SUGCT: variants seen among roughly 807,000 people sequenced by gnomAD.
SUGCT encodes the protein succinyl-CoA:glutarate CoA-transferase.
A neutral mutation model predicts 55.0 loss-of-function variants in SUGCT; 41 were observed. That is an observed-to-expected ratio of 0.74 (90% CI 0.58 to 0.97). The LOEUF (loss-of-function observed/expected upper bound fraction) is 0.97. SUGCT is among the 50% of genes least tolerant of loss of function. The pLI is 0.00. For missense variants in SUGCT, 568 were observed against 547.8 expected, an observed-to-expected ratio of 1.04 and a Z score of -0.37; for synonymous variants, 187 against 200.4, an observed-to-expected ratio of 0.93 and a Z score of 0.56.
chr7:40,168,351 G>A (rs1420472748), intron 1 of SUGCT, among the ~76,000 whole-genome samples: 2 of 152,136 alleles, frequency 1.3e-5, no homozygotes, highest in East Asian at 1.9e-4. Context: ...GGGTGCCTTC[G>A]GTGTCATCAA....
chr7:40,517,050 G>C (rs1793275187), intron 12 of SUGCT, among the ~76,000 whole-genome samples: 2 of 149,494 alleles, frequency 1.3e-5, no homozygotes, highest in African/African-American at 5.1e-5. Context: ...CACTTCTTTA[G>C]TTAAATTTAT....
chr7:40,448,857 TAC>T (rs148261562), intron 9 of SUGCT, among the ~76,000 whole-genome samples: 1,662 of 150,308 alleles, frequency 0.011, 34 homozygotes, highest in African/African-American at 0.038. Context: ...ACCAAATACA[TAC>T]ACACACACAC....
intron 13 of SUGCT, among the ~76,000 whole-genome samples, chr7:40,825,670 G>A (rs1157378530): frequency 6.6e-6 from 1 of 152,182 alleles, no homozygotes; most frequent in Non-Finnish European, 1.5e-5. Flanking sequence ...CTGACTGTCA[G>A]AGTGGACTCA....
At chr7:41,000,282 G>A in the SUGCT span, among the ~76,000 whole-genome samples, 4 of 151,752 alleles carry the variant, frequency 2.6e-5, no homozygotes, top group South Asian at 4.2e-4. Flanking sequence ...ACACACGCAC[G>A]GACACACACA....
At chr7:40,673,453 T>C (rs530368821) in intron 12 of SUGCT, among the ~76,000 whole-genome samples, 44 of 152,254 alleles carry the variant, frequency 2.9e-4, no homozygotes, top group Non-Finnish European at 5.6e-4. Context: ...CTTCTGTGGA[T>C]GCTATTTCAT....
intron 12 of SUGCT, among the ~76,000 whole-genome samples, chr7:40,657,113 G>T (rs527577046): frequency 6.6e-6 from 1 of 152,222 alleles, no homozygotes; most frequent in South Asian, 2.1e-4. Context: ...TAGCTTCAGG[G>T]AAAGGATACA....
chr7:40,768,811 A>ACC (rs1203770667), intron 13 of SUGCT, among the ~76,000 whole-genome samples: 1 of 152,284 alleles, frequency 6.6e-6, no homozygotes, highest in African/African-American at 2.4e-5. Flanking sequence ...ACCTAACCAG[A>ACC]CCTCCAAACA....
the SUGCT span, among the ~76,000 whole-genome samples, chr7:40,945,198 A>G: frequency 1.3e-5 from 2 of 152,040 alleles, no homozygotes; most frequent in Non-Finnish European, 1.5e-5. Context: ...GTCCTCAGTG[A>G]AACACACTGA....
chr7:40,621,483 GA>G (rs1315288208), intron 12 of SUGCT, among the ~76,000 whole-genome samples: 1 of 152,138 alleles, frequency 6.6e-6, no homozygotes, highest in African/African-American at 2.4e-5. Flanking sequence ...TAAGGAGAAG[GA>G]ATAAGTTAAA....
chr7:40,526,260 G>T (rs1204877570), intron 12 of SUGCT, among the ~76,000 whole-genome samples: 1 of 151,964 alleles, frequency 6.6e-6, no homozygotes, highest in Non-Finnish European at 1.5e-5. Context: ...GCATTGACTT[G>T]GTATATATAG....
At position 40,490,008 on chromosome 7, in the gene SUGCT, A is replaced by G. The variant is rs142843266; in HGVS notation, c.987-6276A>G. Among the ~76,000 whole-genome samples the G allele has an allele frequency of 5.4e-3, 822 of 152,314 alleles. 13 individuals are homozygous for G. The highest frequency in any genetic ancestry group is 0.018 in the African/African-American group (767 of 41,574). ...ACCCACTGTAGTGGTCCCAAAGCCT[A>G]TGATCACTATAGCTATTGCAGCACT... On this transcript the variant is annotated intron_variant, in intron 11 of 13. Coordinates refer to ENST00000335693, the MANE Select transcript of SUGCT (RefSeq NM_001193313.2).
chr7:40,702,451 TTCATTACCTC>T (rs1254303309), intron 12 of SUGCT, among the ~76,000 whole-genome samples: 3 of 152,254 alleles, frequency 2.0e-5, no homozygotes, highest in African/African-American at 7.2e-5. Context: ...TAAATCATTA[TTCATTACCTC>T]TAACAGCCAC....
rs981979449 is a variant in SUGCT, at chr7:40,729,241, C to A, written c.1090-20193C>A. ...CAACATTTTTGTTTGTTTGTTTTAG[C>A]CATCACATATTAACACTTGTATGTA... On this transcript the variant is annotated intron_variant, in intron 12 of 13. Coordinates refer to ENST00000335693, the MANE Select transcript of SUGCT (RefSeq NM_001193313.2). 2.0e-5 allele frequency among the ~76,000 whole-genome samples: 3 copies of A among 152,170 alleles called. No individual in the cohort carries two copies. The East Asian group carries it at 5.8e-4, about 29-fold the overall frequency.
chr7:40,683,554 GTGGGAA>G (rs1784344142), intron 12 of SUGCT, among the ~76,000 whole-genome samples: 1 of 152,188 alleles, frequency 6.6e-6, no homozygotes, highest in Non-Finnish European at 1.5e-5. Flanking sequence ...CTTTCCCACT[GTGGGAA>G]TCTTCAGACT....
intron 13 of SUGCT, among the ~76,000 whole-genome samples, chr7:40,854,444 CT>C (rs1563050755): frequency 7.0e-6 from 1 of 142,282 alleles, no homozygotes; most frequent in Non-Finnish European, 1.5e-5. Flanking sequence ...TTCTTTCTTT[CT>C]TTCTTTCTTT....
At chr7:40,759,155 G>T (rs944785613) in intron 13 of SUGCT, among the ~76,000 whole-genome samples, 3 of 152,222 alleles carry the variant, frequency 2.0e-5, no homozygotes, top group African/African-American at 7.2e-5. Flanking sequence ...CTTTCTCTTT[G>T]TTGCTGGGCC....
At chr7:40,564,311 G>A (rs1351881890) in intron 12 of SUGCT, among the ~76,000 whole-genome samples, 5 of 152,208 alleles carry the variant, frequency 3.3e-5, no homozygotes, top group Non-Finnish European at 5.9e-5. Flanking sequence ...GGGAAGCGGA[G>A]TTTGCAGTGA....
In SUGCT at chr7:40,335,730, A is replaced by G. The variant is rs566498016; in HGVS notation, c.816+18875A>G. 2.0e-5 allele frequency among the ~76,000 whole-genome samples: 3 copies of G among 152,254 alleles called. No homozygotes were observed. In the South Asian group the frequency reaches 6.2e-4, roughly 32 times the overall value. ...TGACTTCCTCTTTTCCTAATTGAAT[A>G]TGCTTTATTTCTTTCTCCTCCCTGA... is the stretch of plus-strand genomic sequence containing the variant. On this transcript the variant is annotated intron_variant, in intron 9 of 13. Coordinates refer to ENST00000335693, the MANE Select transcript of SUGCT (RefSeq NM_001193313.2).
chr7:40,544,232 C>G (rs957222458), intron 12 of SUGCT, among the ~76,000 whole-genome samples: 2 of 150,394 alleles, frequency 1.3e-5, no homozygotes, highest in African/African-American at 4.9e-5. Context: ...AAAGGAGATA[C>G]TTCCTTTTTC....
Sources: gnomAD v4.1 joint callset for allele counts (sites outside exome capture counted in the v4.1 genomes callset) on GRCh38, gnomAD v4.1.1 for gene constraint, MANE v1.5 for transcripts, NCBI Gene and HGNC (gene_info 2026-07-23, HGNC 2026-07-21) for gene names.